SPAG9: variants seen among roughly 807,000 people sequenced by gnomAD.
SPAG9 encodes C-Jun-amino-terminal kinase-interacting protein 4.
In SPAG9, 35 loss-of-function variants were observed where a neutral mutation model predicts 166.5. The ratio of observed to expected loss-of-function variants is 0.21; its 90% CI spans 0.16 to 0.28. The LOEUF (loss-of-function observed/expected upper bound fraction) is 0.28, where lower values mean the gene tolerates loss of function less well. Ranked by LOEUF, SPAG9 falls within the 10% of genes least tolerant of loss-of-function variation. SPAG9 has a pLI of 1.00. For synonymous variants in SPAG9, 534 were observed against 565.5 expected (o/e 0.94, Z 0.79); for missense variants, 1,235 against 1,603.3 (o/e 0.77, Z 3.92).
At chr17:51,052,187 T>G (rs1188628921) in intron 3 of SPAG9, among the ~76,000 whole-genome samples, 1 of 152,212 alleles carries the variant, frequency 6.6e-6, no homozygotes, top group Non-Finnish European at 1.5e-5. Context: ...GACATTATCT[T>G]CTTTGGAAAT....
Position 50,989,858 on chromosome 17 carries a change from T to C in SPAG9, c.2632A>G (p.Asn878Asp). 4 of 1,614,106 alleles carry C rather than the reference T, an allele frequency of 2.5e-6. No individual in the cohort carries two copies. The South Asian group carries it at 3.3e-5, about 13-fold the overall frequency. The change falls in exon 21 of 30, where the codon AAT (asparagine) becomes GAT (aspartate). Residue 878 changes from asparagine (N) to aspartate (D), a missense_variant. Transcript: ENST00000262013. ...MDKPPEMEAE[N>D]SEVDENVPTA... ...GGAACATTTTCATCAACCTCACTAT[T>C]TTCTGCTTCCATTTCTACAAAGTAA...
At chr17:51,104,920 G>T (rs1482610067) in intron 1 of SPAG9, among the ~76,000 whole-genome samples, 1 of 86,554 alleles carries the variant, frequency 1.2e-5, no homozygotes, top group Admixed American at 1.4e-4. Flanking sequence ...GCGACAGAGC[G>T]AGACTCCGTC....
rs772629518 is a variant in SPAG9 at position 51,020,117 on chromosome 17, G to A, written c.1091+42C>T. ...AGAACAGTGTTTATGGGAGTTGGGG[G>A]TGGGGGGCGCAGAATATGTCTTCAT... On this transcript the variant is annotated intron_variant, in intron 8 of 29. Coordinates refer to ENST00000262013, the MANE Select transcript of SPAG9 (RefSeq NM_001130528.3). The A allele has an allele frequency of 2.0e-5, 24 of 1,181,718 alleles. No homozygotes were observed. In the East Asian group the frequency reaches 2.8e-4, roughly 14 times the overall value. 73.2% of individuals were successfully genotyped at this position (1,181,718 alleles called of 1,614,324 possible).
At chr17:51,119,424 G>A (rs926133664) in intron 1 of SPAG9, among the ~76,000 whole-genome samples, 1 of 152,118 alleles carries the variant, frequency 6.6e-6, no homozygotes, top group Non-Finnish European at 1.5e-5. Flanking sequence ...TAACGCCAAC[G>A]CAGGCTGAAA....
chr17:50,979,851 C>T lies in SPAG9; in HGVS notation c.3304G>A (p.Val1102Met), dbSNP rs775797986. The change falls in exon 26 of 30, where the codon GTG (valine) becomes ATG (methionine). Residue 1102 changes from valine to methionine, a missense_variant. By Grantham distance (21) the Val-to-Met change is conservative (BLOSUM62 1). Around this residue, in one of 6 missense-constraint regions of SPAG9, gnomAD observed 243 missense variants for 358.6 expected, o/e 0.68. Coordinates refer to ENST00000262013, the MANE Select transcript of SPAG9 (RefSeq NM_001130528.3). ...VRQLAWVGDG[V>M]WVSIRLDSTL... ...GAATCCAAGCGAATGGAGACCCACA[C>T]GCCATCCCCCACCCACGCAAGCTGT... The T allele has an allele frequency of 2.7e-5, 43 of 1,614,042 alleles. No individual in the cohort carries two copies. Among genetic ancestry groups the T allele is most frequent in the African/African-American group, 5.3e-5 (4 of 74,926 alleles).
At chr17:51,030,834 CT>C (rs1190436700) in intron 6 of SPAG9, 1 of 152,070 alleles carries the variant, frequency 6.6e-6, no homozygotes, top group Non-Finnish European at 1.5e-5. Flanking sequence ...AGGTCAACCC[CT>C]GACCTAGCAC....
At chr17:51,068,780 T>A (rs1488410917) in intron 2 of SPAG9, among the ~76,000 whole-genome samples, 1 of 152,200 alleles carries the variant, frequency 6.6e-6, no homozygotes, top group East Asian at 1.9e-4. Flanking sequence ...TAACTTTTAC[T>A]CATAAACTTA....
At chr17:51,097,762 T>G (rs1190951884) in intron 1 of SPAG9, among the ~76,000 whole-genome samples, 1 of 152,066 alleles carries the variant, frequency 6.6e-6, no homozygotes, top group Non-Finnish European at 1.5e-5. Flanking sequence ...GCAGAACTGA[T>G]TGCTTGCTGG....
chr17:51,117,708 CAAAAAAAAAAAAA>C (rs397856959), intron 1 of SPAG9, among the ~76,000 whole-genome samples: 7 of 41,726 alleles, frequency 1.7e-4, no homozygotes, highest in African/African-American at 7.2e-4. Flanking sequence ...GACTCCGTCT[CAAAAAAAAAAAAA>C]AAAAAAAAAA....
At chr17:51,003,716 A>C (rs2045067276) in intron 12 of SPAG9, among the ~76,000 whole-genome samples, 1 of 152,220 alleles carries the variant, frequency 6.6e-6, no homozygotes, top group South Asian at 2.1e-4. Flanking sequence ...TAAGAAAGAC[A>C]CTAAGCTTAG....
intron 1 of SPAG9, among the ~76,000 whole-genome samples, chr17:51,114,826 C>T (rs2049236114): frequency 6.6e-6 from 1 of 151,898 alleles, no homozygotes; most frequent in African/African-American, 2.4e-5. Context: ...GTGGTGCACA[C>T]CTGTAATCCC....
intron 19 of SPAG9, 127 bp downstream of exon 19, chr17:50,993,637 A>T: frequency 1.2e-6 from 1 of 801,208 alleles, no homozygotes; most frequent in Non-Finnish European, 1.9e-6. Context: ...TTGTTTTTTA[A>T]TCTTCCCTAA....
At position 50,981,943 on chromosome 17, in the gene SPAG9, G is replaced by A. The variant is rs140998607; in HGVS notation, c.3237+581C>T. ...AGCTACTTTGGAGGCTGAGGCAGAA[G>A]AATTGCTTGAACCTGGGAGACGAAA... On this transcript the variant is annotated intron_variant, in intron 25 of 29. Coordinates refer to ENST00000262013, the MANE Select transcript of SPAG9 (RefSeq NM_001130528.3). 8.9e-3 allele frequency among the ~76,000 whole-genome samples: 1,348 copies of A among 151,488 alleles called. 23 individuals are homozygous for A. Among genetic ancestry groups the A allele is most frequent in the African/African-American group, 0.031 (1,296 of 41,328 alleles).
intron 4 of SPAG9, chr17:51,046,854 G>A (rs867814149): frequency 4.6e-6 from 7 of 1,530,688 alleles, no homozygotes; most frequent in Non-Finnish European, 5.2e-6. Flanking sequence ...CATAACCATA[G>A]AGCTGCTGCT....
intron 2 of SPAG9, among the ~76,000 whole-genome samples, chr17:51,068,063 C>T (rs2047723778): frequency 6.6e-6 from 1 of 152,214 alleles, no homozygotes; most frequent in African/African-American, 2.4e-5. Flanking sequence ...ATATCCAACT[C>T]ATTATTTGCC....
intron 22 of SPAG9, among the ~76,000 whole-genome samples, chr17:50,986,455 A>C (rs1314755504): frequency 6.6e-6 from 1 of 152,232 alleles, no homozygotes; most frequent in Non-Finnish European, 1.5e-5. Flanking sequence ...TACATCATAC[A>C]TAACAGTTGA....
intron 2 of SPAG9, among the ~76,000 whole-genome samples, chr17:51,073,713 GA>G (rs2047888694): frequency 6.6e-6 from 1 of 151,964 alleles, no homozygotes; most frequent in African/African-American, 2.4e-5. Flanking sequence ...TTAAGGCTTA[GA>G]AAAAAACAAA....
intron 19 of SPAG9, among the ~76,000 whole-genome samples, chr17:50,991,923 CTTTTTTTTTTTTT>C (rs1023810785): frequency 6.3e-5 from 4 of 63,336 alleles, no homozygotes; most frequent in African/African-American, 1.3e-4. Flanking sequence ...CATGCCAGGT[CTTTTTTTTTTTTT>C]TTTTTTTTTT....
chr17:51,001,953 A>T, intron 12 of SPAG9, 108 bp from the exon 13 acceptor site: 1 of 963,458 alleles, frequency 1.0e-6, no homozygotes, highest in Middle Eastern at 2.4e-4. Context: ...CTTAATTTTT[A>T]ATCTAGTAGA....
Sources: allele counts gnomAD v4.1 joint callset (sites outside exome capture counted in the v4.1 genomes callset), GRCh38; gene constraint gnomAD v4.1.1; regional missense constraint gnomAD v4.1.1; transcripts MANE v1.5; gene names NCBI Gene and HGNC (gene_info 2026-07-23, HGNC 2026-07-21).